The following PINX1 variants were observed in gnomAD, a reference collection of about 807,000 sequenced individuals.
The protein encoded by PINX1 is PIN2/TERF1-interacting telomerase inhibitor 1.
PINX1 carries 34 observed loss-of-function variants against 25.4 expected under a neutral mutation model. The ratio of observed to expected loss-of-function variants is 1.34; its 90% CI spans 1.02 to 1.78. PINX1 has a LOEUF of 1.78. PINX1 is among the 40% of genes most tolerant of loss of function. PINX1 has a pLI of 0.00. For synonymous variants in PINX1, 197 were observed against 147.7 expected (o/e 1.33, Z -2.42); for missense variants, 592 against 404.9 (o/e 1.46, Z -3.97).
chr8:10,804,543 T>C (rs577993620), intron 6 of PINX1, among the ~76,000 whole-genome samples: 1 of 152,042 alleles, frequency 6.6e-6, no homozygotes, highest in South Asian at 2.1e-4. Context: ...ACAGCAGCAT[T>C]GGAGAAGAGC....
chr8:10,771,624 A>G (rs545385435), intron 6 of PINX1, among the ~76,000 whole-genome samples: 1 of 152,336 alleles, frequency 6.6e-6, no homozygotes, highest in Non-Finnish European at 1.5e-5. Context: ...AAAGGCACAA[A>G]GACACCAAAC....
intron 6 of PINX1, among the ~76,000 whole-genome samples, chr8:10,788,820 C>T (rs1043039798): frequency 1.3e-5 from 2 of 152,156 alleles, no homozygotes; most frequent in African/African-American, 4.8e-5. Flanking sequence ...GACAGCAAAG[C>T]GGTGGGTTTC....
chr8:10,818,275 G>A (rs926999501), intron 6 of PINX1, among the ~76,000 whole-genome samples: 1 of 152,180 alleles, frequency 6.6e-6, no homozygotes. Context: ...GATTTTCCTG[G>A]GGCTAGCATT....
At chr8:10,790,972 G>C (rs535647289) in intron 6 of PINX1, among the ~76,000 whole-genome samples, 1 of 152,220 alleles carries the variant, frequency 6.6e-6, no homozygotes, top group African/African-American at 2.4e-5. Flanking sequence ...GAGTACAAAG[G>C]CGCAATCTTG....
chr8:10,772,808 C>T lies in PINX1; in HGVS notation c.472-6892G>A, dbSNP rs547605597. Among the ~76,000 whole-genome samples the T allele has an allele frequency of 5.0e-4, 76 of 152,310 alleles. 1 individual carries two copies. Among genetic ancestry groups the T allele is most frequent in the African/African-American group, 1.8e-3 (76 of 41,574 alleles). On this transcript the variant is annotated intron_variant, in intron 6 of 6. Transcript: ENST00000314787. ...AACACAGAAATTGTGTGTGCGTGCACATGTGAAACAGGTGTAAGAACCTGT... is the reference window on the plus strand; with the variant it reads ...AACACAGAAATTGTGTGTGCGTGCATATGTGAAACAGGTGTAAGAACCTGT...
intron 5 of PINX1, among the ~76,000 whole-genome samples, chr8:10,820,807 A>C (rs1200594958): frequency 6.6e-6 from 1 of 152,224 alleles, no homozygotes; most frequent in Non-Finnish European, 1.5e-5. Context: ...AATATATGTA[A>C]ATCAAAAATA....
intron 6 of PINX1, among the ~76,000 whole-genome samples, chr8:10,797,631 A>C (rs992310219): frequency 6.6e-6 from 1 of 152,232 alleles, no homozygotes; most frequent in Non-Finnish European, 1.5e-5. Flanking sequence ...AAGAAACCTA[A>C]GCATTGAGGA....
chr8:10,790,766 G>C (rs770946819), intron 6 of PINX1, among the ~76,000 whole-genome samples: 1 of 151,964 alleles, frequency 6.6e-6, no homozygotes, highest in Non-Finnish European at 1.5e-5. Context: ...TATCTCTGCT[G>C]CTAAAGGGAT....
chr8:10,797,103 G>A (rs1802107180), intron 6 of PINX1, among the ~76,000 whole-genome samples: 2 of 152,110 alleles, frequency 1.3e-5, no homozygotes, highest in Admixed American at 1.3e-4. Context: ...GTACAGTAAA[G>A]CGGGTGACGG....
At chr8:10,814,781 G>C (rs554558101) in intron 6 of PINX1, among the ~76,000 whole-genome samples, 1 of 152,276 alleles carries the variant, frequency 6.6e-6, no homozygotes, top group Admixed American at 6.5e-5. Flanking sequence ...GAATGATGAG[G>C]CTTCAACTGA....
chr8:10,813,243 C>T (rs975692724), intron 6 of PINX1, among the ~76,000 whole-genome samples: 5 of 152,022 alleles, frequency 3.3e-5, no homozygotes, highest in African/African-American at 9.7e-5. Context: ...GAGGGTAGAG[C>T]GATAGGTGCA....
Position 10,839,813 on chromosome 8 carries a change from G to T in PINX1, c.-57C>A. ...ACCTGGGTGACTGCGGCCACTGGGC[G>T]GGCTGGAGACTCCAGGAGAATCAGG... On this transcript the variant is annotated 5_prime_UTR_variant, in exon 1 of 7. Coordinates refer to ENST00000314787, the MANE Select transcript of PINX1 (RefSeq NM_017884.6). 2 of 1,552,314 alleles carry T rather than the reference G, an allele frequency of 1.3e-6. No homozygotes were observed. Among genetic ancestry groups the T allele is most frequent in the Non-Finnish European group, 1.8e-6 (2 of 1,138,928 alleles).
intron 6 of PINX1, among the ~76,000 whole-genome samples, chr8:10,810,732 A>G (rs1797484461): frequency 6.6e-6 from 1 of 152,230 alleles, no homozygotes; most frequent in Non-Finnish European, 1.5e-5. Context: ...ACTTCCACCC[A>G]AAACTGCAGA....
At chr8:10,794,671 C>T (rs111633885) in intron 6 of PINX1, among the ~76,000 whole-genome samples, 10 of 152,212 alleles carry the variant, frequency 6.6e-5, no homozygotes, top group South Asian at 2.1e-4. Flanking sequence ...GTGATCCGTC[C>T]GATCACGAGG....
At chr8:10,788,974 T>C (rs567918063) in intron 6 of PINX1, among the ~76,000 whole-genome samples, 3 of 121,342 alleles carry the variant, frequency 2.5e-5, no homozygotes, top group African/African-American at 9.8e-5. Flanking sequence ...ACTGAGGAGC[T>C]CAGGAAAAGC....
chr8:10,809,268 G>C (rs1802550645), intron 6 of PINX1, among the ~76,000 whole-genome samples: 2 of 152,198 alleles, frequency 1.3e-5, no homozygotes, highest in African/African-American at 4.8e-5. Context: ...CTGGAGGGAA[G>C]ATCCTCTACC....
At chr8:10,797,032 G>C (rs1317663617) in intron 6 of PINX1, among the ~76,000 whole-genome samples, 1 of 151,992 alleles carries the variant, frequency 6.6e-6, no homozygotes, top group Non-Finnish European at 1.5e-5. Flanking sequence ...CAGCCCCACA[G>C]CTTGAATGGA....
At chr8:10,772,272 A>G (rs1223456336) in intron 6 of PINX1, among the ~76,000 whole-genome samples, 1 of 152,238 alleles carries the variant, frequency 6.6e-6, no homozygotes, top group Non-Finnish European at 1.5e-5. Flanking sequence ...CCTACATTAT[A>G]TCTTAGCTGA....
chr8:10,834,428 T>C, intron 2 of PINX1: 1 of 503,952 alleles, frequency 2.0e-6, no homozygotes, highest in Non-Finnish European at 3.4e-6. Flanking sequence ...AAAAAGCGTG[T>C]AGCCTAGTTG....
Sources: allele counts gnomAD v4.1 joint callset (sites outside exome capture counted in the v4.1 genomes callset), GRCh38; gene constraint gnomAD v4.1.1; transcripts MANE v1.5; gene names NCBI Gene and HGNC (gene_info 2026-07-23, HGNC 2026-07-21).